NRDE2: variants seen among roughly 807,000 people sequenced by gnomAD.
NRDE2 encodes nuclear exosome regulator NRDE2.
Under a neutral mutation model 124.2 loss-of-function variants are expected in NRDE2, and 76 were observed. That is an observed-to-expected ratio of 0.61 (90% confidence interval 0.51 to 0.74). The LOEUF is 0.74. NRDE2 is among the 30% of genes least tolerant of loss of function. The probability of loss-of-function intolerance (pLI) is 0.00; values close to 1 mark genes in which losing one functional copy is unlikely to be tolerated. For missense variants in NRDE2, 1,314 were observed against 1,417.3 expected (o/e 0.93, Z 1.17); for synonymous variants, 489 against 528.1 (o/e 0.93, Z 1.01).
At chr14:90,322,641 A>G (rs11626869) in intron 1 of NRDE2, among the ~76,000 whole-genome samples, 48,428 of 152,152 alleles carry the variant, frequency 0.32, 8,937 homozygotes, top group East Asian at 0.51. Flanking sequence ...AATGAATACC[A>G]ACTACACACC....
At position 90,268,690 on chromosome 14, in the gene NRDE2, C is replaced by A; in HGVS notation, c.*9646G>T. The A allele has an allele frequency of 3.1e-6, 1 of 327,516 alleles. No individual in the cohort carries two copies. The highest frequency in any genetic ancestry group is 5.4e-5 in the East Asian group (1 of 18,398). 20.3% of individuals were successfully genotyped at this position (327,516 alleles called of 1,614,324 possible). ...GACTCTAGGGACACAGTTGTGAGCA[C>A]AAGTCTCTGCCCTGGAGGAGCTCAC... On this transcript the variant is annotated 3_prime_UTR_variant, in exon 14 of 14. Transcript: ENST00000354366.
At chr14:90,331,791 C>T (rs1885713214) in intron 1 of NRDE2, 50 bp downstream of exon 1, 1 of 1,588,294 alleles carries the variant, frequency 6.3e-7, no homozygotes, top group South Asian at 1.1e-5. Context: ...GCCCGAGAAA[C>T]AGCCTCTTAA....
intron 4 of NRDE2, among the ~76,000 whole-genome samples, chr14:90,310,010 A>G (rs1284194152): frequency 2.0e-5 from 3 of 152,186 alleles, no homozygotes; most frequent in Non-Finnish European, 4.4e-5. Flanking sequence ...CCTTTCACCT[A>G]TTAATAAATA....
rs766936764 is a variant in NRDE2 at position 90,288,842 on chromosome 14, G to C, written c.2533C>G (p.Arg845Gly). 1.9e-6 allele frequency: 3 copies of C among 1,614,088 alleles called. No individual in the cohort carries two copies. In the East Asian group the frequency reaches 6.7e-5, roughly 36 times the overall value. Residue 845 changes from arginine to glycine, a missense_variant, in exon 11 of 14, where the codon CGA becomes GGA. Arg to Gly is a moderately radical substitution (Grantham distance 125). Transcript: ENST00000354366. Reference sequence around the variant, plus strand: ...AGCTTGGTTAATATGTGAACAGCTCGAGCTGTGGCAGCCCTTCTCACTTCT... The same window carrying C: ...AGCTTGGTTAATATGTGAACAGCTCCAGCTGTGGCAGCCCTTCTCACTTCT... ...SPEVRRAATA[R>G]AVHILTKLTE...
At chr14:90,329,247 C>T (rs1004536571) in intron 1 of NRDE2, among the ~76,000 whole-genome samples, 2 of 152,198 alleles carry the variant, frequency 1.3e-5, no homozygotes, top group African/African-American at 4.8e-5. Flanking sequence ...ACCACCAGCC[C>T]AACCATATTT....
rs922725865 is a variant in NRDE2, at chr14:90,272,685, C to T, written c.*5651G>A. On this transcript the variant is annotated 3_prime_UTR_variant, in exon 14 of 14. Transcript: ENST00000354366. The surrounding 1 kb of genome is among the most constrained non-coding windows in gnomAD (Gnocchi z 4.5). ...GCTCAACAGCAGCCTGTGGGTGGAC[C>T]CAGCTACAGGGAAGCCTTTGGACAG... is the stretch of plus-strand genomic sequence containing the variant. 5 of 277,804 alleles carry T rather than the reference C, an allele frequency of 1.8e-5. No individual in the cohort carries two copies. Among genetic ancestry groups the T allele is most frequent in the African/African-American group, 4.5e-5 (2 of 44,396 alleles). 17.2% of individuals were successfully genotyped at this position (277,804 alleles called of 1,614,324 possible).
Position 90,274,363 on chromosome 14 carries a change from G to GGGA in NRDE2, c.*3970_*3972dup, listed in dbSNP as rs944831438. 13 of 155,436 alleles carry GGGA rather than the reference G, an allele frequency of 8.4e-5. No homozygotes were observed. Among genetic ancestry groups the GGGA allele is most frequent in the Middle Eastern group, 1.1e-3 (2 of 1,838 alleles). 9.6% of individuals were successfully genotyped at this position (155,436 alleles called of 1,614,324 possible). A position where few individuals can be genotyped will look rare whatever the true frequency, so the allele number is the denominator to read the frequency against. Reference sequence around the variant, plus strand: ...GCAGGGACGGGGTGGTGGCAGGGGAGGGAGGCTGCTTATGTATGGAGGCAG... The same window carrying GGGA: ...GCAGGGACGGGGTGGTGGCAGGGGAGGGAGGAGGCTGCTTATGTATGGAGGCAG... On this transcript the variant is annotated 3_prime_UTR_variant, in exon 14 of 14. Coordinates refer to ENST00000354366, the MANE Select transcript of NRDE2 (RefSeq NM_017970.4).
At position 90,304,166 on chromosome 14, in the gene NRDE2, G is replaced by A. The variant is rs765157515; in HGVS notation, c.774C>T (p.Asp258=). 1.9e-6 allele frequency: 3 copies of A among 1,614,174 alleles called. No homozygotes were observed. The highest frequency in any genetic ancestry group is 2.5e-6 in the Non-Finnish European group (3 of 1,180,034). ...SEPISFIPVK[D]LEDAAPVTTW... is the part of the protein sequence containing the mutation. ...TTGTAACAGGAGCCGCATCTTCCAAGTCCTTCACTGGTATAAAGGAGATGG... is the reference window on the plus strand; with the variant it reads ...TTGTAACAGGAGCCGCATCTTCCAAATCCTTCACTGGTATAAAGGAGATGG... Residue 258 remains aspartate, a synonymous_variant, in exon 5 of 14, where the codon GAC becomes GAT. Coordinates refer to ENST00000354366, the MANE Select transcript of NRDE2 (RefSeq NM_017970.4).
chr14:90,312,097 A>G (rs776838681), intron 4 of NRDE2, among the ~76,000 whole-genome samples: 2 of 152,236 alleles, frequency 1.3e-5, no homozygotes, highest in African/African-American at 2.4e-5. Context: ...AGTCTGTCAC[A>G]ATTAATTATT....
In NRDE2 at chr14:90,301,487, T is replaced by C. The variant is rs1433284558; in HGVS notation, c.1412-115A>G. The C allele has an allele frequency of 1.8e-5, 16 of 890,924 alleles. No individual in the cohort carries two copies. In the South Asian group the frequency reaches 2.2e-4, roughly 12 times the overall value. The allele number at this position is 890,924 out of a possible 1,614,324, so 55.2% of individuals were successfully genotyped here. A position where few individuals can be genotyped will look rare whatever the true frequency, so the allele number is the denominator to read the frequency against. ...GAGAACACCTTTCACCTGCAATCAC[T>C]ATTAATTTACAAAGCTGTGATACAT... is the stretch of plus-strand genomic sequence containing the variant. On this transcript the variant is annotated intron_variant, in intron 6 of 13. Coordinates refer to ENST00000354366, the MANE Select transcript of NRDE2 (RefSeq NM_017970.4).
chr14:90,292,634 T>C (rs191935944), intron 9 of NRDE2, 63 bp downstream of exon 9: 3 of 1,550,986 alleles, frequency 1.9e-6, no homozygotes, highest in East Asian at 4.5e-5. Flanking sequence ...CCAAAGCGCA[T>C]GGGAATGGAA....
rs995642832 is a variant in NRDE2, at chr14:90,271,398, A to G, written c.*6938T>C. ...TTTCTCTTTCCTTTCTAAACAGATC[A>G]GGCCTAAAACAATAACAGTAACCCA... is the stretch of plus-strand genomic sequence containing the variant. On this transcript the variant is annotated 3_prime_UTR_variant, in exon 14 of 14. Coordinates refer to ENST00000354366, the MANE Select transcript of NRDE2 (RefSeq NM_017970.4). The G allele has an allele frequency of 6.6e-6, 1 of 152,228 alleles. No individual in the cohort carries two copies. The highest frequency in any genetic ancestry group is 2.4e-5 in the African/African-American group (1 of 41,466). 9.4% of individuals were successfully genotyped at this position (152,228 alleles called of 1,614,324 possible). A position where few individuals can be genotyped will look rare whatever the true frequency, so the allele number is the denominator to read the frequency against.
intron 2 of NRDE2, chr14:90,317,802 CTG>C: frequency 2.2e-6 from 1 of 453,900 alleles, no homozygotes; most frequent in Admixed American, 4.0e-5. Flanking sequence ...CAGGCACTAA[CTG>C]TGTCATGTAC....
chr14:90,275,933 A>G lies in NRDE2; in HGVS notation c.*2403T>C, dbSNP rs1891793119. ...TCCTCCTACTGGGAACACAGCACAGAGGTGCCTCCTGGCCTCCTGCAGGCC... is the reference window on the plus strand; with the variant it reads ...TCCTCCTACTGGGAACACAGCACAGGGGTGCCTCCTGGCCTCCTGCAGGCC... On this transcript the variant is annotated 3_prime_UTR_variant, in exon 14 of 14. Transcript: ENST00000354366. The G allele has an allele frequency of 6.6e-6, 1 of 152,290 alleles. No individual in the cohort carries two copies. The highest frequency in any genetic ancestry group is 1.5e-5 in the Non-Finnish European group (1 of 68,094). 9.4% of individuals were successfully genotyped at this position (152,290 alleles called of 1,614,324 possible).
chr14:90,278,520 A>T, intron 13 of NRDE2, 59 bp from the exon 14 acceptor site: 2 of 1,599,158 alleles, frequency 1.3e-6, no homozygotes, highest in Non-Finnish European at 1.7e-6. Context: ...AGCCTGGAGG[A>T]GCTCAGGAAG....
rs1238112305 is a variant in NRDE2, at chr14:90,277,421, T to A, written c.*915A>T. On this transcript the variant is annotated 3_prime_UTR_variant, in exon 14 of 14. Coordinates refer to ENST00000354366, the MANE Select transcript of NRDE2 (RefSeq NM_017970.4). The stretch of plus-strand genomic sequence containing the variant: ...AAAACCATTCCTTCCAGCCATATGT[T>A]AATAGTGAAAATCACTCAGCACTAA... The A allele has an allele frequency of 6.6e-6, 1 of 152,260 alleles. No individual in the cohort carries two copies. The highest frequency in any genetic ancestry group is 2.4e-5 in the African/African-American group (1 of 41,476). The allele number at this position is 152,260 out of a possible 1,614,324, so 9.4% of individuals were successfully genotyped here.
At position 90,331,880 on chromosome 14, in the gene NRDE2, C is replaced by T. The variant is rs369171891; in HGVS notation, c.25G>A (p.Gly9Arg). 5.5e-5 allele frequency: 89 copies of T among 1,614,018 alleles called. No individual in the cohort carries two copies. The highest frequency in any genetic ancestry group is 7.2e-5 in the Non-Finnish European group (85 of 1,180,050). MALFPAFA[G>R]LSEAPDGGSS... The stretch of plus-strand genomic sequence containing the variant: ...CCGCCATCGGGAGCCTCACTAAGCC[C>T]CGCAAAGGCTGGGAACAGCGCCATG... Residue 9 changes from glycine (G) to arginine (R), a missense_variant, in exon 1 of 14, where the codon GGG becomes AGG. By Grantham distance (125) the Gly-to-Arg change is moderately radical (BLOSUM62 -2). Transcript: ENST00000354366.
intron 8 of NRDE2, among the ~76,000 whole-genome samples, chr14:90,297,535 G>C (rs117621913): frequency 2.6e-5 from 4 of 152,132 alleles, no homozygotes; most frequent in African/African-American, 9.7e-5. Flanking sequence ...TTATGTAAAT[G>C]CTAGGTAATA....
chr14:90,289,243 C>T (rs549636222), intron 10 of NRDE2, 98 bp from the exon 11 acceptor site: 66 of 936,856 alleles, frequency 7.0e-5, no homozygotes, highest in Admixed American at 3.8e-4. Flanking sequence ...AAGGCGTCTA[C>T]GCTTCCTCCC....
Sources: allele counts gnomAD v4.1 joint callset (sites outside exome capture counted in the v4.1 genomes callset), GRCh38; gene constraint gnomAD v4.1.1; non-coding constraint Gnocchi (gnomAD v3.1); transcripts MANE v1.5; gene names NCBI Gene and HGNC (gene_info 2026-07-23, HGNC 2026-07-21).